PDE4D: variants seen among roughly 807,000 people sequenced by gnomAD.
PDE4D encodes 3',5'-cyclic-AMP phosphodiesterase 4D.
PDE4D carries 24 observed loss-of-function variants against 87.4 expected under a neutral mutation model. The observed-to-expected ratio is 0.27, with a 90% CI of 0.20 to 0.39. PDE4D has a LOEUF of 0.39. Ranked by LOEUF, PDE4D falls within the 10% of genes least tolerant of loss-of-function variation. The pLI, the probability that PDE4D is intolerant of heterozygous loss-of-function variation, is 1.00. For synonymous variants in PDE4D, 384 were observed against 383.2 expected (o/e 1.00, Z -0.02); for missense variants, 714 against 1,041.0 (o/e 0.69, Z 4.32).
In PDE4D at chr5:60,411,324, C is replaced by T. The variant is rs548768853; in HGVS notation, c.-90+76618G>A. Among the ~76,000 whole-genome samples, 570 of 152,202 alleles carry T rather than the reference C, an allele frequency of 3.7e-3. 2 individuals are homozygous for T. The highest frequency in any genetic ancestry group is 5.6e-3 in the Admixed American group (85 of 15,292). On this transcript the variant is annotated intron_variant, in intron 1 of 16. Coordinates refer to the PDE4D transcript ENST00000502484. ...TAGGTTATGATGTTTAAAGGAAAAA[C>T]GGACTAAAAGACTAGCTTAAGTATA...
At chr5:59,656,660 G>C (rs1181585898) in intron 1 of PDE4D, among the ~76,000 whole-genome samples, 2 of 152,152 alleles carry the variant, frequency 1.3e-5, no homozygotes, top group Admixed American at 6.5e-5. Flanking sequence ...TGTGAGAACT[G>C]TAGGAAGTTT....
At chr5:60,339,188 T>C (rs888610526) in intron 1 of PDE4D, among the ~76,000 whole-genome samples, 1 of 151,998 alleles carries the variant, frequency 6.6e-6, no homozygotes, top group Non-Finnish European at 1.5e-5. Context: ...ATTTTTGTTT[T>C]TTTCCTTATT....
chr5:59,499,502 G>C (rs1019852399), intron 1 of PDE4D, among the ~76,000 whole-genome samples: 1 of 141,930 alleles, frequency 7.0e-6, no homozygotes, highest in African/African-American at 3.0e-5. Flanking sequence ...TTCTTGGAAA[G>C]GATAAAAAAA....
At chr5:59,140,540 T>C (rs926028351) in intron 5 of PDE4D, among the ~76,000 whole-genome samples, 4 of 152,184 alleles carry the variant, frequency 2.6e-5, no homozygotes, top group Admixed American at 2.6e-4. Flanking sequence ...CAAATGAAAA[T>C]GGTAAACCAA....
At chr5:60,231,495 C>G (rs6868850) in intron 1 of PDE4D, among the ~76,000 whole-genome samples, 17,850 of 151,826 alleles carry the variant, frequency 0.12, 1,118 homozygotes, top group African/African-American at 0.15. Context: ...TGATATTTTT[C>G]TAGCCTGGGA....
chr5:59,914,443 C>A (rs915771440), intron 3 of PDE4D, among the ~76,000 whole-genome samples: 18 of 151,876 alleles, frequency 1.2e-4, no homozygotes, highest in African/African-American at 3.4e-4. Flanking sequence ...ATTGTCAGGA[C>A]AAAGTCTGTG....
rs552159068 is a variant in PDE4D, at chr5:59,017,426, C to T, written c.921+21433G>A. The stretch of plus-strand genomic sequence containing the variant: ...AAGATGGAGAAGACCGGGGGAGGTA[C>T]GGATTTAAAGGAGGGTATGTAAGGA... On this transcript the variant is annotated intron_variant, in intron 6 of 14. Coordinates refer to ENST00000340635, the MANE Select transcript of PDE4D (RefSeq NM_001104631.2). Among the ~76,000 whole-genome samples the T allele has an allele frequency of 7.9e-5, 12 of 152,004 alleles. No homozygotes were observed. The South Asian group carries it at 1.5e-3, about 18-fold the overall frequency.
chr5:60,025,309 G>GAA (rs1766509555), intron 2 of PDE4D, among the ~76,000 whole-genome samples: 1 of 152,088 alleles, frequency 6.6e-6, no homozygotes. Flanking sequence ...GCAAACCTTT[G>GAA]GAAGCAATAG....
chr5:59,090,104 T>G (rs907963558), intron 5 of PDE4D, among the ~76,000 whole-genome samples: 2 of 152,142 alleles, frequency 1.3e-5, no homozygotes, highest in Non-Finnish European at 2.9e-5. Context: ...ACTTACGGGA[T>G]AAGCACAGTT....
At chr5:60,105,927 T>G (rs559582009) in intron 2 of PDE4D, among the ~76,000 whole-genome samples, 19 of 152,254 alleles carry the variant, frequency 1.2e-4, no homozygotes, top group Admixed American at 2.0e-4. Flanking sequence ...AGACCATCGA[T>G]GCTAGGAAGA....
rs78955079 is a variant in PDE4D at position 59,273,246 on chromosome 5, G to A, written c.456-57278C>T. Among the ~76,000 whole-genome samples, 1,196 of 152,208 alleles carry A rather than the reference G, an allele frequency of 7.9e-3. 21 individuals are homozygous for A. The highest frequency in any genetic ancestry group is 0.028 in the African/African-American group (1,154 of 41,554). On this transcript the variant is annotated intron_variant, in intron 1 of 14. Coordinates refer to ENST00000340635, the MANE Select transcript of PDE4D (RefSeq NM_001104631.2). ...ACTGGTGAGAAAACATTGTCCCTCT[G>A]AGCAATTTGAGGCCTGTGGCCTTTA...
At chr5:59,380,157 T>C (rs1157529950) in intron 1 of PDE4D, among the ~76,000 whole-genome samples, 1 of 152,160 alleles carries the variant, frequency 6.6e-6, no homozygotes, top group Non-Finnish European at 1.5e-5. Flanking sequence ...CATCTGTCAA[T>C]ATACATTATT....
chr5:59,252,430 ACCAG>A (rs1760131008), intron 1 of PDE4D, among the ~76,000 whole-genome samples: 1 of 152,170 alleles, frequency 6.6e-6, no homozygotes, highest in Non-Finnish European at 1.5e-5. Flanking sequence ...AGCCCAACTA[ACCAG>A]GTGTGTAATT....
chr5:60,356,223 A>G (rs2149940610), intron 1 of PDE4D, among the ~76,000 whole-genome samples: 1 of 152,252 alleles, frequency 6.6e-6, no homozygotes, highest in Non-Finnish European at 1.5e-5. Flanking sequence ...ATTAATATTA[A>G]CAGTGTTCTC....
intron 1 of PDE4D, among the ~76,000 whole-genome samples, chr5:59,370,478 T>C (rs1384245463): frequency 6.6e-6 from 1 of 152,218 alleles, no homozygotes; most frequent in Non-Finnish European, 1.5e-5. Flanking sequence ...TTTGGAAAAA[T>C]GCATAATTCA....
At chr5:59,784,207 G>T (rs1764914634) in intron 1 of PDE4D, among the ~76,000 whole-genome samples, 1 of 151,094 alleles carries the variant, frequency 6.6e-6, no homozygotes, top group African/African-American at 2.4e-5. Flanking sequence ...AGAACAAAGA[G>T]GTACATGTCT....
intron 1 of PDE4D, among the ~76,000 whole-genome samples, chr5:60,315,218 G>T (rs1755447585): frequency 6.6e-6 from 1 of 152,150 alleles, no homozygotes; most frequent in Non-Finnish European, 1.5e-5. Flanking sequence ...GTTTTGATTT[G>T]CATTTCTCTG....
chr5:59,394,878 C>T (rs565872004), intron 1 of PDE4D, among the ~76,000 whole-genome samples: 7 of 152,092 alleles, frequency 4.6e-5, no homozygotes, highest in African/African-American at 7.2e-5. Context: ...GTGCGCGCAC[C>T]GTGCACAAGC....
intron 1 of PDE4D, chr5:60,188,538 C>T (rs947342755): frequency 2.0e-5 from 3 of 152,210 alleles, no homozygotes; most frequent in South Asian, 4.1e-4. Flanking sequence ...GGAAGAAGTA[C>T]ATCTGACTGG....
Sources: gnomAD v4.1 joint callset for allele counts (sites outside exome capture counted in the v4.1 genomes callset) on GRCh38, gnomAD v4.1.1 for gene constraint, MANE v1.5 for transcripts, NCBI Gene and HGNC (gene_info 2026-07-23, HGNC 2026-07-21) for gene names.